The following PLCE1 variants were observed in gnomAD, a reference collection of about 807,000 sequenced individuals.
PLCE1 encodes the protein 1-phosphatidylinositol 4,5-bisphosphate phosphodiesterase epsilon-1.
Under a neutral mutation model 242.8 loss-of-function variants are expected in PLCE1, and 119 were observed. The ratio of observed to expected loss-of-function variants is 0.49; its 90% CI spans 0.42 to 0.57. The LOEUF (loss-of-function observed/expected upper bound fraction) is 0.57, where lower values mean the gene tolerates loss of function less well. Among genes scored for constraint, PLCE1 ranks in the 20% least tolerant of loss-of-function variants. The probability of loss-of-function intolerance (pLI) is 0.00; values close to 1 mark genes in which losing one functional copy is unlikely to be tolerated. For synonymous variants in PLCE1, 945 were observed against 1,017.4 expected (o/e 0.93, Z 1.35); for missense variants, 2,441 against 2,788.8 (o/e 0.88, Z 2.81).
chr10:94,289,712 T>C (rs576663162), intron 22 of PLCE1, among the ~76,000 whole-genome samples: 1 of 152,286 alleles, frequency 6.6e-6, no homozygotes, highest in African/African-American at 2.4e-5. Flanking sequence ...GGTACATCTG[T>C]ATAGGGCACT....
At chr10:94,163,192 T>C (rs1353220711) in intron 3 of PLCE1, among the ~76,000 whole-genome samples, 1 of 152,186 alleles carries the variant, frequency 6.6e-6, no homozygotes, top group Non-Finnish European at 1.5e-5. Context: ...CAGAGCTGAG[T>C]TCAGTTCCTG....
chr10:94,297,627 A>AAAAT (rs2052885081), intron 23 of PLCE1, among the ~76,000 whole-genome samples: 21 of 109,564 alleles, frequency 1.9e-4, no homozygotes, highest in South Asian at 3.1e-4. Flanking sequence ...AAAAAAAAAA[A>AAAAT]GTGCAGTATC....
At position 94,203,872 on chromosome 10, in the gene PLCE1, A is replaced by G. The variant is rs562520348; in HGVS notation, c.1810-23434A>G. ...AAGGCAGAAGAAATATTAGTCTCTAATTTGAAACAGCATCAAGTAATGGAA... is the reference window on the plus strand; with the variant it reads ...AAGGCAGAAGAAATATTAGTCTCTAGTTTGAAACAGCATCAAGTAATGGAA... On this transcript the variant is annotated intron_variant, in intron 4 of 32. Transcript: ENST00000371380. Among the ~76,000 whole-genome samples, 70 of 151,440 alleles carry G rather than the reference A, an allele frequency of 4.6e-4. 1 individual carries two copies. The highest frequency in any genetic ancestry group is 3.4e-3 in the Middle Eastern group (1 of 292).
At chr10:94,296,896 C>G (rs1231469687) in intron 23 of PLCE1, among the ~76,000 whole-genome samples, 1 of 150,890 alleles carries the variant, frequency 6.6e-6, no homozygotes, top group Admixed American at 6.6e-5. Context: ...TTTTTTGAGG[C>G]AGAGTCTCAC....
intron 2 of PLCE1, among the ~76,000 whole-genome samples, chr10:94,071,569 T>G (rs1014708425): frequency 7.0e-6 from 1 of 143,318 alleles, no homozygotes; most frequent in Non-Finnish European, 1.5e-5. Flanking sequence ...CAATCATAGT[T>G]CACTGCAGCC....
intron 23 of PLCE1, among the ~76,000 whole-genome samples, chr10:94,296,178 C>T (rs1589495780): frequency 6.6e-6 from 1 of 151,700 alleles, no homozygotes; most frequent in Non-Finnish European, 1.5e-5. Flanking sequence ...CTGGCTAACA[C>T]GGTGAAACCC....
chr10:93,997,682 A>C (rs1012874052), intron 1 of PLCE1, among the ~76,000 whole-genome samples: 3 of 123,544 alleles, frequency 2.4e-5, no homozygotes. Context: ...TAATAGCTTT[A>C]ACTCAGCTCA....
chr10:94,122,681 A>G (rs561913233), intron 2 of PLCE1, among the ~76,000 whole-genome samples: 1 of 152,174 alleles, frequency 6.6e-6, no homozygotes, highest in Non-Finnish European at 1.5e-5. Context: ...AAGGGAGATG[A>G]TAGGGACGTA....
chr10:94,156,739 T>C (rs1180254807), intron 3 of PLCE1, among the ~76,000 whole-genome samples: 3 of 152,132 alleles, frequency 2.0e-5, no homozygotes, highest in East Asian at 3.9e-4. Flanking sequence ...TAATCATGCC[T>C]TGGTTTTTCT....
At chr10:94,044,445 A>C (rs1366235995) in intron 2 of PLCE1, among the ~76,000 whole-genome samples, 1 of 152,246 alleles carries the variant, frequency 6.6e-6, no homozygotes, top group African/African-American at 2.4e-5. Flanking sequence ...AGAGATCTTA[A>C]AAACTGAATG....
intron 7 of PLCE1, 86 bp downstream of exon 7, chr10:94,236,206 G>A (rs2050319311): frequency 9.1e-7 from 1 of 1,098,508 alleles, no homozygotes; most frequent in South Asian, 1.3e-5. Flanking sequence ...CTTAGTTTCA[G>A]ATGGACACCT....
chr10:94,112,032 G>T (rs528127515), intron 2 of PLCE1, among the ~76,000 whole-genome samples: 1 of 152,142 alleles, frequency 6.6e-6, no homozygotes, highest in South Asian at 2.1e-4. Flanking sequence ...ACTTTATGAC[G>T]TGCTTTCCAG....
At chr10:94,137,522 A>G (rs1218689613) in intron 3 of PLCE1, among the ~76,000 whole-genome samples, 2 of 152,250 alleles carry the variant, frequency 1.3e-5, no homozygotes, top group African/African-American at 4.8e-5. Context: ...GTGTTTTCAA[A>G]TGTGCATATT....
chr10:94,317,911 G>A (rs35258481), intron 29 of PLCE1, among the ~76,000 whole-genome samples: 20,408 of 152,120 alleles, frequency 0.13, 1,538 homozygotes, highest in Middle Eastern at 0.26. Flanking sequence ...GCCCTGTTCT[G>A]GGCACATGAT....
At chr10:94,295,334 C>T (rs2052776429) in intron 23 of PLCE1, among the ~76,000 whole-genome samples, 1 of 152,164 alleles carries the variant, frequency 6.6e-6, no homozygotes, top group Non-Finnish European at 1.5e-5. Flanking sequence ...ACAGGATCTT[C>T]GCCAAGAGTA....
intron 2 of PLCE1, among the ~76,000 whole-genome samples, chr10:94,092,636 C>T (rs1476436825): frequency 1.1e-4 from 16 of 142,956 alleles, no homozygotes; most frequent in African/African-American, 3.7e-4. Context: ...TTATAGGAAT[C>T]GAAGTGAAGG....
At chr10:94,143,699 G>A (rs530486923) in intron 3 of PLCE1, among the ~76,000 whole-genome samples, 3 of 152,152 alleles carry the variant, frequency 2.0e-5, no homozygotes, top group South Asian at 2.1e-4. Context: ...TATTTTTAAC[G>A]GTGTTTAGAT....
chr10:94,045,327 G>A (rs1225374590), intron 2 of PLCE1, among the ~76,000 whole-genome samples: 1 of 151,980 alleles, frequency 6.6e-6, no homozygotes, highest in Non-Finnish European at 1.5e-5. Context: ...GTAGAGGTAG[G>A]GTCTCACGTT....
At chr10:94,223,663 A>G (rs1025314319) in intron 4 of PLCE1, among the ~76,000 whole-genome samples, 1 of 152,172 alleles carries the variant, frequency 6.6e-6, no homozygotes, top group African/African-American at 2.4e-5. Context: ...TTATGATGTC[A>G]GGGTAAGCCC....
Sources: allele counts gnomAD v4.1 joint callset (sites outside exome capture counted in the v4.1 genomes callset), GRCh38; gene constraint gnomAD v4.1.1; transcripts MANE v1.5; gene names NCBI Gene and HGNC (gene_info 2026-07-23, HGNC 2026-07-21).